Variants in PXDN observed in about 807,000 individuals in gnomAD.
PXDN encodes peroxidasin homolog.
PXDN carries 77 observed loss-of-function variants against 140.3 expected under a neutral mutation model. The observed-to-expected ratio is 0.55, with a 90% CI of 0.46 to 0.66. The LOEUF is 0.66. Among genes scored for constraint, PXDN ranks in the 30% least tolerant of loss-of-function variants. The probability of loss-of-function intolerance (pLI) is 0.00; values close to 1 mark genes in which losing one functional copy is unlikely to be tolerated. For synonymous variants in PXDN, 911 were observed against 857.4 expected, an observed-to-expected ratio of 1.06 and a Z score of -1.09; for missense variants, 1,838 against 2,039.5, an observed-to-expected ratio of 0.90 and a Z score of 1.90.
chr2:1,731,693 C>A (rs1685317748), intron 1 of PXDN, among the ~76,000 whole-genome samples: 1 of 152,182 alleles, frequency 6.6e-6, no homozygotes, highest in Non-Finnish European at 1.5e-5. Flanking sequence ...TCCCACAGAG[C>A]TCAGGCACAA....
In PXDN at chr2:1,649,555, C is replaced by G; in HGVS notation, c.2225G>C (p.Arg742Pro). 6.2e-7 allele frequency: 1 copy of G among 1,614,030 alleles called. No homozygotes were observed. Among genetic ancestry groups the G allele is most frequent in the Non-Finnish European group, 8.5e-7 (1 of 1,179,888 alleles). Residue 742 changes from arginine to proline, a missense_variant, in exon 17 of 23, where the codon CGG (arginine) becomes CCG (proline). This residue lies in a region of PXDN where 537 missense variants were observed against 583.9 expected (regional missense o/e 0.92). Coordinates refer to ENST00000252804, the MANE Select transcript of PXDN (RefSeq NM_012293.3). The surrounding 1 kb of genome is among the most constrained non-coding windows in gnomAD (Gnocchi z 7.1). ...GTTGTTACAGGTGCCGTCGTGCGTC[C>G]GGTACTTCTGGTGGAAGCACATGTC... is the stretch of plus-strand genomic sequence containing the variant. ...CSDMCFHQKY[R>P]THDGTCNNLQ...
intron 14 of PXDN, among the ~76,000 whole-genome samples, chr2:1,657,508 C>G (rs1035881150): frequency 6.7e-6 from 1 of 149,662 alleles, no homozygotes; most frequent in African/African-American, 2.5e-5. Flanking sequence ...CACCTCCTGA[C>G]TAGGACGTCC....
At chr2:1,653,518 C>T in intron 16 of PXDN, 110 bp downstream of exon 16, 1 of 1,409,990 alleles carries the variant, frequency 7.1e-7, no homozygotes, top group Non-Finnish European at 9.8e-7. Context: ...TTCATAAGCA[C>T]AGTGGGAAAG....
chr2:1,666,609 G>GT, intron 9 of PXDN, 123 bp from the exon 10 acceptor site: 1 of 1,210,478 alleles, frequency 8.3e-7, no homozygotes, highest in South Asian at 1.6e-5. Context: ...CAAACACAAC[G>GT]TAACTGCATA....
chr2:1,742,339 C>G (rs982955547), intron 1 of PXDN, among the ~76,000 whole-genome samples: 4 of 152,224 alleles, frequency 2.6e-5, no homozygotes, highest in African/African-American at 9.6e-5. Context: ...TTCGAAGTAT[C>G]ACTGAAGACT....
intron 1 of PXDN, among the ~76,000 whole-genome samples, chr2:1,729,927 T>C (rs1307688276): frequency 2.6e-5 from 4 of 152,200 alleles, no homozygotes; most frequent in Non-Finnish European, 4.4e-5. Flanking sequence ...GGCCTCTAAT[T>C]ATTGAACAGA....
chr2:1,666,563 G>A (rs1405126314), intron 9 of PXDN, 77 bp from the exon 10 acceptor site: 2 of 1,462,268 alleles, frequency 1.4e-6, no homozygotes, highest in Non-Finnish European at 9.1e-7. Context: ...TCCTATGTCA[G>A]GCTATTAATT....
intron 14 of PXDN, among the ~76,000 whole-genome samples, chr2:1,659,525 A>C (rs1472758337): frequency 6.6e-6 from 1 of 152,124 alleles, no homozygotes; most frequent in Admixed American, 6.5e-5. Flanking sequence ...TTCTTTATCT[A>C]CCTTTTTATA....
chr2:1,699,251 A>T (rs1684364699), intron 1 of PXDN, among the ~76,000 whole-genome samples: 1 of 152,240 alleles, frequency 6.6e-6, no homozygotes, highest in Non-Finnish European at 1.5e-5. Context: ...GTAATGCTTA[A>T]TTTAATCATG....
At chr2:1,725,258 A>C (rs1365873062) in intron 1 of PXDN, among the ~76,000 whole-genome samples, 1 of 152,184 alleles carries the variant, frequency 6.6e-6, no homozygotes, top group Non-Finnish European at 1.5e-5. Flanking sequence ...TTTTAATGGA[A>C]TCTTTAGGAT....
chr2:1,657,974 G>A (rs1371885739), intron 14 of PXDN, among the ~76,000 whole-genome samples: 5 of 132,588 alleles, frequency 3.8e-5, no homozygotes, highest in African/African-American at 1.5e-4. Flanking sequence ...CCCCCTCACT[G>A]TGATTTCCTT....
chr2:1,710,473 CCACTTTCCACCAGCACCCACT>C (rs1684725362), intron 1 of PXDN, among the ~76,000 whole-genome samples: 1 of 151,442 alleles, frequency 6.6e-6, no homozygotes, highest in Non-Finnish European at 1.5e-5. Context: ...CCACCAGCAT[CCACTTTCCACCAGCACCCACT>C]CTCCACTAGC....
In PXDN at chr2:1,665,019, G is replaced by A. The variant is rs184142208; in HGVS notation, c.1347C>T (p.Thr449=). The A allele has an allele frequency of 1.2e-4, 193 of 1,612,848 alleles. No individual in the cohort carries two copies. In the African/African-American group the frequency reaches 2.2e-3, roughly 18 times the overall value. ...PQDRVVIEGQ[T]VDFQCEAKGN... ...CCTTGGCTTCACACTGGAAATCCAC[G>A]GTCTGGCCCTCAATAACGACTCTGT... The change falls in exon 11 of 23, where the codon ACC becomes ACT. Residue 449 remains threonine, a synonymous_variant. Coordinates refer to ENST00000252804, the MANE Select transcript of PXDN (RefSeq NM_012293.3).
chr2:1,642,711 G>C (rs997348248), intron 19 of PXDN, among the ~76,000 whole-genome samples: 2 of 152,238 alleles, frequency 1.3e-5, no homozygotes, highest in Admixed American at 6.5e-5. Context: ...CTGGGAGTTA[G>C]GAATGCGAAG....
At chr2:1,664,675 AG>A in intron 11 of PXDN, 1 of 398,984 alleles carries the variant, frequency 2.5e-6, no homozygotes, top group East Asian at 4.0e-5. Context: ...GAAACAAGGC[AG>A]GTGTGAGGGA....
intron 21 of PXDN, chr2:1,635,753 T>C (rs1170320570): frequency 1.1e-5 from 6 of 522,270 alleles, no homozygotes; most frequent in African/African-American, 7.7e-5. Flanking sequence ...ATAAAAACCG[T>C]AGTCACAAAG....
At chr2:1,683,836 A>G in intron 5 of PXDN, 109 bp from the exon 6 acceptor site, 1 of 940,074 alleles carries the variant, frequency 1.1e-6, no homozygotes, top group Non-Finnish European at 1.6e-6. Flanking sequence ...AATCTCAGTG[A>G]TTACATTTAT....
intron 14 of PXDN, among the ~76,000 whole-genome samples, chr2:1,657,133 C>A (rs1183937039): frequency 6.7e-6 from 1 of 149,814 alleles, no homozygotes; most frequent in Non-Finnish European, 1.5e-5. Context: ...CTGCAACTTA[C>A]CCCTCCTGAC....
intron 1 of PXDN, among the ~76,000 whole-genome samples, chr2:1,739,494 A>T (rs4853760): frequency 0.68 from 103,847 of 152,066 alleles, 35,893 homozygotes; most frequent in East Asian, 0.93. Context: ...GGAAGGCAAG[A>T]TCTAACAATA....
Sources: allele counts gnomAD v4.1 joint callset (sites outside exome capture counted in the v4.1 genomes callset), GRCh38; gene constraint gnomAD v4.1.1; regional missense constraint gnomAD v4.1.1; non-coding constraint Gnocchi (gnomAD v3.1); transcripts MANE v1.5; gene names NCBI Gene and HGNC (gene_info 2026-07-23, HGNC 2026-07-21).